The following PPP3CC variants were observed in gnomAD, a reference collection of about 807,000 sequenced individuals.
The protein encoded by PPP3CC is protein phosphatase 3 catalytic subunit gamma.
PPP3CC carries 35 observed loss-of-function variants against 60.3 expected under a neutral mutation model. The ratio of observed to expected loss-of-function variants is 0.58; its 90% CI spans 0.44 to 0.77. PPP3CC has a LOEUF of 0.77. PPP3CC is among the 30% of genes least tolerant of loss of function. PPP3CC has a pLI of 0.00. For missense variants in PPP3CC, 570 were observed against 628.9 expected (o/e 0.91, Z 1.00); for synonymous variants, 206 against 224.3 (o/e 0.92, Z 0.73).
At chr8:22,451,074 C>T (rs1379387452) in intron 1 of PPP3CC, among the ~76,000 whole-genome samples, 1 of 150,102 alleles carries the variant, frequency 6.7e-6, no homozygotes, top group African/African-American at 2.5e-5. Flanking sequence ...TTCCTGAGCT[C>T]ATGATCTGCC....
intron 3 of PPP3CC, among the ~76,000 whole-genome samples, chr8:22,477,837 A>G (rs1837940460): frequency 6.6e-6 from 1 of 151,392 alleles, no homozygotes; most frequent in Admixed American, 6.6e-5. Flanking sequence ...CTTTTAAAAT[A>G]TTTATTTATT....
intron 3 of PPP3CC, among the ~76,000 whole-genome samples, chr8:22,492,472 A>G (rs1425399312): frequency 1.3e-5 from 2 of 152,164 alleles, no homozygotes; most frequent in Non-Finnish European, 2.9e-5. Context: ...AGCTTATTGT[A>G]ACTTTTTACT....
Position 22,467,916 on chromosome 8 carries a change from T to A in PPP3CC, c.50-7038T>A, listed in dbSNP as rs958783403. Among the ~76,000 whole-genome samples, 17 of 152,240 alleles carry A rather than the reference T, an allele frequency of 1.1e-4. No homozygotes were observed. In the South Asian group the frequency reaches 2.3e-3, roughly 20 times the overall value. On this transcript the variant is annotated intron_variant, in intron 1 of 13. Coordinates refer to ENST00000240139, the MANE Select transcript of PPP3CC (RefSeq NM_005605.5). The stretch of plus-strand genomic sequence containing the variant: ...CACGTGGCAGAAGGGACAAACAAGC[T>A]CCTTTGGACCTCTTTTGTAATGGCA...
intron 9 of PPP3CC, among the ~76,000 whole-genome samples, 180 bp downstream of exon 9, chr8:22,527,697 A>G (rs1839595775): frequency 6.7e-6 from 1 of 150,090 alleles, no homozygotes; most frequent in Non-Finnish European, 1.5e-5. Context: ...GTGCAGTGGC[A>G]CGATCTCAGC....
chr8:22,456,166 A>G (rs933997244), intron 1 of PPP3CC, among the ~76,000 whole-genome samples: 8 of 152,188 alleles, frequency 5.3e-5, no homozygotes, highest in Non-Finnish European at 7.3e-5. Context: ...GACTACCACA[A>G]TAATCTAAAA....
intron 4 of PPP3CC, 137 bp from the exon 5 acceptor site, chr8:22,510,949 C>A: frequency 1.0e-6 from 1 of 962,178 alleles, no homozygotes; most frequent in Non-Finnish European, 1.5e-6. Flanking sequence ...TCAAAAGTAT[C>A]TTTACAAAGA....
chr8:22,492,881 T>C (rs914812747), intron 3 of PPP3CC: 1 of 1,111,606 alleles, frequency 9.0e-7, no homozygotes, highest in Non-Finnish European at 1.4e-6. Context: ...TTACAGGCCA[T>C]GCTGAGACAA....
intron 3 of PPP3CC, among the ~76,000 whole-genome samples, chr8:22,491,870 G>C (rs1838414895): frequency 6.6e-6 from 1 of 152,014 alleles, no homozygotes; most frequent in South Asian, 2.1e-4. Flanking sequence ...ATATATTCTT[G>C]GAAAGAACGT....
chr8:22,461,700 G>A (rs1484941128), intron 1 of PPP3CC, among the ~76,000 whole-genome samples: 1 of 152,094 alleles, frequency 6.6e-6, no homozygotes, highest in East Asian at 1.9e-4. Context: ...CAGAAGAGCT[G>A]TGGGACCTCT....
chr8:22,460,588 G>C (rs1837336210), intron 1 of PPP3CC, among the ~76,000 whole-genome samples: 1 of 152,092 alleles, frequency 6.6e-6, no homozygotes. Context: ...GGGAGGCTGA[G>C]GTGGGAGAAC....
chr8:22,522,685 A>G lies in PPP3CC; in HGVS notation c.879A>G (p.Thr293=). 1.2e-6 allele frequency: 2 copies of G among 1,607,474 alleles called. No individual in the cohort carries two copies. Among genetic ancestry groups the G allele is most frequent in the Non-Finnish European group, 8.5e-7 (1 of 1,174,244 alleles). The change falls in exon 8 of 14, where the codon ACA becomes ACG. Residue 293 remains threonine, a synonymous_variant. Transcript: ENST00000240139. ...GYRMYRKSQA[T]GFPSLITIFS... ...GAATGTACAGGAAGAGCCAAGCCAC[A>G]GGCTTTCCATCACTTATTACAATTT...
At chr8:22,457,856 C>T (rs950668172) in intron 1 of PPP3CC, among the ~76,000 whole-genome samples, 1 of 152,226 alleles carries the variant, frequency 6.6e-6, no homozygotes, top group African/African-American at 2.4e-5. Flanking sequence ...CTTTGGGAGG[C>T]CAAGGCGGGC....
intron 1 of PPP3CC, among the ~76,000 whole-genome samples, chr8:22,457,820 A>C (rs996685786): frequency 6.6e-6 from 1 of 152,250 alleles, no homozygotes; most frequent in Non-Finnish European, 1.5e-5. Context: ...GGCCGGGCGC[A>C]GTGGCTTACG....
At chr8:22,494,377 G>T (rs1376744546) in intron 3 of PPP3CC, among the ~76,000 whole-genome samples, 1 of 152,096 alleles carries the variant, frequency 6.6e-6, no homozygotes, top group Non-Finnish European at 1.5e-5. Context: ...AATAGCACAG[G>T]AAAGACCGGC....
intron 8 of PPP3CC, 160 bp downstream of exon 8, chr8:22,522,909 T>C (rs1839446475): frequency 1.8e-6 from 1 of 561,006 alleles, no homozygotes. Flanking sequence ...ATTTAGAATT[T>C]ATGCTGCTGC....
At chr8:22,466,493 CCTGA>C (rs1235839884) in intron 1 of PPP3CC, among the ~76,000 whole-genome samples, 20 of 152,270 alleles carry the variant, frequency 1.3e-4, no homozygotes, top group African/African-American at 4.8e-4. Context: ...TCTGTTGTTT[CCTGA>C]CTTTTTAATG....
At chr8:22,539,415 C>T (rs1403863413) in intron 12 of PPP3CC, 54 bp from the exon 13 acceptor site, 8 of 1,604,114 alleles carry the variant, frequency 5.0e-6, no homozygotes, top group East Asian at 2.2e-5. Flanking sequence ...TGTTGGTTTA[C>T]TCACTCTTTT....
Position 22,483,770 on chromosome 8 carries a change from A to G in PPP3CC, c.372+8146A>G, listed in dbSNP as rs1018118728. On this transcript the variant is annotated intron_variant, in intron 3 of 13. Transcript: ENST00000240139. ...TTATTTTAGGATGAAAATTTGCCAC[A>G]TAAGATTCTTTGTCATACAAAATTA... is the stretch of plus-strand genomic sequence containing the variant. Among the ~76,000 whole-genome samples, 13 of 152,312 alleles carry G rather than the reference A, an allele frequency of 8.5e-5. No homozygotes were observed. The South Asian group carries it at 2.7e-3, about 32-fold the overall frequency.
At chr8:22,460,303 C>T (rs1353944854) in intron 1 of PPP3CC, among the ~76,000 whole-genome samples, 2 of 152,030 alleles carry the variant, frequency 1.3e-5, no homozygotes, top group East Asian at 1.9e-4. Flanking sequence ...ATGGATAATA[C>T]TTTCCTATTC....
Sources: allele counts gnomAD v4.1 joint callset (sites outside exome capture counted in the v4.1 genomes callset), GRCh38; gene constraint gnomAD v4.1.1; transcripts MANE v1.5; gene names NCBI Gene and HGNC (gene_info 2026-07-23, HGNC 2026-07-21).